The following MARCHF1 variants were observed in gnomAD, a reference collection of about 807,000 sequenced individuals.
The protein encoded by MARCHF1 is E3 ubiquitin-protein ligase MARCHF1.
In MARCHF1, 40 loss-of-function variants were observed where a neutral mutation model predicts 54.2. The observed-to-expected ratio is 0.74, with a 90% CI of 0.57 to 0.96. MARCHF1 has a LOEUF of 0.96. Among genes scored for constraint, MARCHF1 ranks in the 40% least tolerant of loss-of-function variants. MARCHF1 has a pLI of 0.00. For synonymous variants in MARCHF1, 236 were observed against 236.3 expected, an observed-to-expected ratio of 1.00 and a Z score of 0.01; for missense variants, 586 against 656.5, an observed-to-expected ratio of 0.89 and a Z score of 1.17.
At chr4:163,816,072 G>T (rs1748524113) in intron 4 of MARCHF1, among the ~76,000 whole-genome samples, 1 of 152,186 alleles carries the variant, frequency 6.6e-6, no homozygotes, top group Admixed American at 6.6e-5. Flanking sequence ...TATTGCATCA[G>T]AGTTGCCTCA....
intron 4 of MARCHF1, among the ~76,000 whole-genome samples, chr4:163,702,182 G>A (rs1209896314): frequency 6.6e-6 from 1 of 152,170 alleles, no homozygotes; most frequent in African/African-American, 2.4e-5. Flanking sequence ...ACCGAGATGA[G>A]TCACAACGAT....
intron 1 of MARCHF1, among the ~76,000 whole-genome samples, chr4:164,231,889 G>T (rs182333055): frequency 6.6e-6 from 1 of 151,786 alleles, no homozygotes; most frequent in Non-Finnish European, 1.5e-5. Flanking sequence ...TACTAATTAC[G>T]GACAACTATA....
intron 2 of MARCHF1, among the ~76,000 whole-genome samples, chr4:164,000,586 T>G (rs1753167499): frequency 6.6e-6 from 1 of 151,686 alleles, no homozygotes; most frequent in African/African-American, 2.4e-5. Context: ...TTAGAACATT[T>G]GCTGATACAA....
At chr4:164,378,845 G>A (rs919094272) in intron 1 of MARCHF1, among the ~76,000 whole-genome samples, 12 of 152,098 alleles carry the variant, frequency 7.9e-5, no homozygotes, top group Non-Finnish European at 1.6e-4. Flanking sequence ...CCAAGTAGCT[G>A]GGATTACAGG....
At chr4:164,024,893 T>C (rs1249526810) in intron 2 of MARCHF1, among the ~76,000 whole-genome samples, 1 of 152,130 alleles carries the variant, frequency 6.6e-6, no homozygotes, top group Non-Finnish European at 1.5e-5. Flanking sequence ...TATAGAAAGA[T>C]CTACCATGCA....
intron 3 of MARCHF1, among the ~76,000 whole-genome samples, chr4:163,903,962 T>C (rs1751000076): frequency 6.6e-6 from 1 of 152,184 alleles, no homozygotes; most frequent in Non-Finnish European, 1.5e-5. Flanking sequence ...AAATAAAAGC[T>C]ATCTAAATAG....
chr4:163,613,516 T>A, intron 5 of MARCHF1, 123 bp from the exon 6 acceptor site: 1 of 1,605,158 alleles, frequency 6.2e-7, no homozygotes, highest in Non-Finnish European at 8.5e-7. Flanking sequence ...TTGCTTATAA[T>A]GCAGAACAGA....
chr4:164,104,124 T>C (rs6831993), intron 2 of MARCHF1, among the ~76,000 whole-genome samples: 18,641 of 146,778 alleles, frequency 0.13, 1,420 homozygotes, highest in African/African-American at 0.29. Context: ...CAATAATCAA[T>C]AGCTTACCAA....
At chr4:164,037,139 G>A (rs1282637410) in intron 2 of MARCHF1, among the ~76,000 whole-genome samples, 2 of 152,086 alleles carry the variant, frequency 1.3e-5, no homozygotes, top group African/African-American at 2.4e-5. Flanking sequence ...CAGTTCTGAG[G>A]GTGGAAAAGA....
At chr4:164,221,591 A>G (rs1359308925) in intron 1 of MARCHF1, among the ~76,000 whole-genome samples, 1 of 152,074 alleles carries the variant, frequency 6.6e-6, no homozygotes, top group Non-Finnish European at 1.5e-5. Context: ...AATTAAACAA[A>G]TAAGTTTCTT....
intron 7 of MARCHF1, among the ~76,000 whole-genome samples, chr4:163,598,661 T>C (rs976704561): frequency 6.6e-6 from 1 of 152,242 alleles, no homozygotes; most frequent in Non-Finnish European, 1.5e-5. Flanking sequence ...ACCTGTATAG[T>C]GCACTTACCA....
chr4:164,029,043 T>C (rs145875639), intron 2 of MARCHF1, among the ~76,000 whole-genome samples: 407 of 152,348 alleles, frequency 2.7e-3, no homozygotes, highest in African/African-American at 9.5e-3. Flanking sequence ...GATTTGTACA[T>C]AGCAACCATT....
At chr4:164,291,952 C>T (rs1734293694) in intron 1 of MARCHF1, among the ~76,000 whole-genome samples, 1 of 151,988 alleles carries the variant, frequency 6.6e-6, no homozygotes, top group Admixed American at 6.6e-5. Flanking sequence ...TTCATTCATT[C>T]AACAAATATT....
chr4:164,292,513 A>G (rs1156243138), intron 1 of MARCHF1, among the ~76,000 whole-genome samples: 2 of 152,152 alleles, frequency 1.3e-5, no homozygotes, highest in Non-Finnish European at 2.9e-5. Flanking sequence ...TGTAAAAATC[A>G]TATTCCCCCT....
intron 4 of MARCHF1, among the ~76,000 whole-genome samples, chr4:163,802,401 T>C (rs1366007109): frequency 6.6e-6 from 1 of 152,180 alleles, no homozygotes; most frequent in Non-Finnish European, 1.5e-5. Context: ...GTCAAACACA[T>C]TTCAAAAGCC....
chr4:163,657,033 A>G (rs1743173318), intron 5 of MARCHF1, among the ~76,000 whole-genome samples: 1 of 152,084 alleles, frequency 6.6e-6, no homozygotes, highest in Non-Finnish European at 1.5e-5. Flanking sequence ...TCTATTCAAA[A>G]TAGTATTGGA....
chr4:163,920,409 T>C (rs1751401383), intron 3 of MARCHF1, among the ~76,000 whole-genome samples: 1 of 152,238 alleles, frequency 6.6e-6, no homozygotes, highest in Non-Finnish European at 1.5e-5. Flanking sequence ...TGATACCTTG[T>C]AGTTTTTCTT....
chr4:163,575,603 G>C (rs951446352), intron 8 of MARCHF1, among the ~76,000 whole-genome samples: 13 of 151,736 alleles, frequency 8.6e-5, no homozygotes, highest in Non-Finnish European at 1.8e-4. Context: ...CGATTTTTGG[G>C]GATATTTTCA....
intron 1 of MARCHF1, among the ~76,000 whole-genome samples, chr4:164,254,772 G>A (rs565504086): frequency 1.2e-4 from 18 of 152,092 alleles, no homozygotes; most frequent in Non-Finnish European, 2.6e-4. Flanking sequence ...TCCCTTTCAT[G>A]TTTTTCTGCC....
Sources: allele counts gnomAD v4.1 joint callset (sites outside exome capture counted in the v4.1 genomes callset), GRCh38; gene constraint gnomAD v4.1.1; transcripts MANE v1.5; gene names NCBI Gene and HGNC (gene_info 2026-07-23, HGNC 2026-07-21).